ANKRD11: variants seen among roughly 807,000 people sequenced by gnomAD.
ANKRD11 encodes ankyrin repeat domain 11.
A neutral mutation model predicts 195.7 loss-of-function variants in ANKRD11; 17 were observed. That is an observed-to-expected ratio of 0.09 (90% CI 0.06 to 0.13). ANKRD11 has a LOEUF of 0.13. Among genes scored for constraint, ANKRD11 ranks in the 10% least tolerant of loss-of-function variants. The pLI is 1.00. For missense variants in ANKRD11, 3,735 were observed against 3,566.1 expected (o/e 1.05, Z -1.21); for synonymous variants, 1,953 against 1,528.1 (o/e 1.28, Z -6.49).
chr16:89,461,279 G>C (rs1339700839), intron 1 of ANKRD11, among the ~76,000 whole-genome samples: 2 of 151,594 alleles, frequency 1.3e-5, no homozygotes, highest in African/African-American at 4.9e-5. Context: ...CGAGGTTATG[G>C]GGAGAGGGAT....
At chr16:89,289,964 A>G (rs1288330160) in intron 6 of ANKRD11, among the ~76,000 whole-genome samples, 1 of 152,238 alleles carries the variant, frequency 6.6e-6, no homozygotes, top group Non-Finnish European at 1.5e-5. Flanking sequence ...CAGGAGTTCA[A>G]AGCTTCAGTG....
In ANKRD11 at chr16:89,284,667, C is replaced by T; in HGVS notation, c.1875G>A (p.Glu625=). 6.2e-7 allele frequency: 1 copy of T among 1,614,048 alleles called. No individual in the cohort carries two copies. The highest frequency in any genetic ancestry group is 8.5e-7 in the Non-Finnish European group (1 of 1,180,026). The part of the protein sequence containing the change: ...AEGAVPKLDK[E]GKVVKKHKTK... ...TTTTATGTTTTTTGACAACTTTCCC[C>T]TCCTTGTCCAGTTTGGGGACAGCGC... is the stretch of plus-strand genomic sequence containing the variant. Residue 625 remains glutamate (E), a synonymous_variant, in exon 9 of 13, where the codon GAG becomes GAA. Transcript: ENST00000301030.
At chr16:89,458,603 C>T (rs1041935680) in intron 1 of ANKRD11, among the ~76,000 whole-genome samples, 4 of 152,302 alleles carry the variant, frequency 2.6e-5, no homozygotes, top group African/African-American at 9.6e-5. Flanking sequence ...TTTTGCAGTT[C>T]CACTGGAAGG....
chr16:89,356,989 C>T (rs1373794033), intron 2 of ANKRD11, among the ~76,000 whole-genome samples: 1 of 152,144 alleles, frequency 6.6e-6, no homozygotes, highest in Non-Finnish European at 1.5e-5. Context: ...TTGGTGGCTG[C>T]CTTGTCAGCA....
chr16:89,314,410 A>AC (rs2036817632), intron 3 of ANKRD11, among the ~76,000 whole-genome samples: 1 of 152,182 alleles, frequency 6.6e-6, no homozygotes, highest in Non-Finnish European at 1.5e-5. Flanking sequence ...CAGTTCATCA[A>AC]GTCTCTCTTC....
At chr16:89,299,172 CGAG>C (rs1290230342) in intron 4 of ANKRD11, 2 of 156,278 alleles carry the variant, frequency 1.3e-5, no homozygotes, top group African/African-American at 4.8e-5. Flanking sequence ...CCCTGTGTAT[CGAG>C]GAGAGGAGGA....
intron 2 of ANKRD11, among the ~76,000 whole-genome samples, chr16:89,397,827 G>A (rs1241733307): frequency 8.5e-5 from 13 of 152,324 alleles, no homozygotes; most frequent in East Asian, 1.9e-4. Context: ...CAAGCGGCCC[G>A]TGCCACGTCT....
chr16:89,324,445 G>C (rs999463732), intron 2 of ANKRD11: 3 of 461,866 alleles, frequency 6.5e-6, no homozygotes, highest in African/African-American at 4.0e-5. Context: ...AAGTGTGAGG[G>C]TTACTACTGA....
In ANKRD11 at chr16:89,269,354, C is replaced by A. The variant is rs1221482461; in HGVS notation, c.7807-691G>T. Among the ~76,000 whole-genome samples, 4 of 152,246 alleles carry A rather than the reference C, an allele frequency of 2.6e-5. No homozygotes were observed. The South Asian group carries it at 8.3e-4, about 32-fold the overall frequency. ...GATGGGGTTTTGCGATGTTGGCGAG[C>A]TGCAGTGTGATCATGTCTGTCTCTA... is the stretch of plus-strand genomic sequence containing the variant. On this transcript the variant is annotated intron_variant, in intron 12 of 12. Transcript: ENST00000301030.
At chr16:89,334,955 C>T (rs1448289885) in intron 2 of ANKRD11, among the ~76,000 whole-genome samples, 2 of 152,082 alleles carry the variant, frequency 1.3e-5, no homozygotes, top group South Asian at 2.1e-4. Context: ...AGTCAAGCAG[C>T]AGAGTGGAGG....
At chr16:89,375,781 A>AAG (rs2040399787) in intron 2 of ANKRD11, among the ~76,000 whole-genome samples, 1 of 151,696 alleles carries the variant, frequency 6.6e-6, no homozygotes, top group African/African-American at 2.4e-5. Context: ...AAAAAAAAAA[A>AAG]AAAAAAAAGC....
At chr16:89,428,171 G>T (rs1299896855) in intron 1 of ANKRD11, among the ~76,000 whole-genome samples, 1 of 151,938 alleles carries the variant, frequency 6.6e-6, no homozygotes, top group East Asian at 1.9e-4. Context: ...TCGTGCCACT[G>T]CACTACAGCC....
intron 2 of ANKRD11, among the ~76,000 whole-genome samples, chr16:89,357,210 C>T (rs1567695189): frequency 1.3e-5 from 2 of 152,074 alleles, no homozygotes; most frequent in African/African-American, 2.4e-5. Context: ...GGGTTGGGGG[C>T]GGGGTGAGTC....
chr16:89,455,643 C>T (rs902936881), intron 1 of ANKRD11, among the ~76,000 whole-genome samples: 2 of 152,078 alleles, frequency 1.3e-5, no homozygotes, highest in Non-Finnish European at 2.9e-5. Flanking sequence ...TCGATTTGGG[C>T]AGGAGAGAGC....
rs1029055770 is a variant in ANKRD11 at position 89,279,204 on chromosome 16, C to A, written c.7338G>T (p.Lys2446Asn). Residue 2446 changes from lysine (K) to asparagine (N), a missense_variant, in exon 9 of 13, where the codon AAG (lysine) becomes AAT (asparagine). Transcript: ENST00000301030. This position sits in a 1 kb window ranked among gnomAD's most constrained non-coding sequence, Gnocchi z 5.6. ...NPYFEYLQIRKKIEEKRKILC... is the reference protein window; with the variant it reads ...NPYFEYLQIRNKIEEKRKILC... ...GGATCTTGCGCTTCTCCTCGATCTT[C>A]TTCCTGATCTGCAGGTATTCGAAGT... 1 of 1,612,286 alleles carries A rather than the reference C, an allele frequency of 6.2e-7. No individual in the cohort carries two copies.
At chr16:89,466,312 T>C (rs527579480) in intron 1 of ANKRD11, among the ~76,000 whole-genome samples, 9 of 151,906 alleles carry the variant, frequency 5.9e-5, no homozygotes, top group South Asian at 2.1e-4. Flanking sequence ...TCCAGAGAGA[T>C]AGAAAAGAGA....
At chr16:89,314,710 C>T (rs1025208255) in intron 3 of ANKRD11, among the ~76,000 whole-genome samples, 4 of 152,204 alleles carry the variant, frequency 2.6e-5, no homozygotes, top group African/African-American at 9.7e-5. Flanking sequence ...CCACTGCTTA[C>T]TGATCTTCAT....
chr16:89,461,927 G>C (rs2152333772), intron 1 of ANKRD11, among the ~76,000 whole-genome samples: 1 of 152,124 alleles, frequency 6.6e-6, no homozygotes, highest in East Asian at 1.9e-4. Context: ...TTGGAAACCT[G>C]CAGAGCATCT....
intron 1 of ANKRD11, among the ~76,000 whole-genome samples, chr16:89,424,907 T>C (rs1391377249): frequency 6.6e-6 from 1 of 152,114 alleles, no homozygotes; most frequent in Non-Finnish European, 1.5e-5. Flanking sequence ...ACAAGTAAAC[T>C]TCAGGCAACC....
Sources: gnomAD v4.1 joint callset for allele counts (sites outside exome capture counted in the v4.1 genomes callset) on GRCh38, gnomAD v4.1.1 for gene constraint, Gnocchi (gnomAD v3.1) non-coding constraint, MANE v1.5 for transcripts, NCBI Gene and HGNC (gene_info 2026-07-23, HGNC 2026-07-21) for gene names.